The following RANBP2 variants were observed in gnomAD, a reference collection of about 807,000 sequenced individuals.
RANBP2 encodes the protein RAN binding protein 2.
Under a neutral mutation model 303.6 loss-of-function variants are expected in RANBP2, and 57 were observed. That is an observed-to-expected ratio of 0.19 (90% CI 0.15 to 0.23). The LOEUF (loss-of-function observed/expected upper bound fraction) is 0.23. Among genes scored for constraint, RANBP2 ranks in the 10% least tolerant of loss-of-function variants. The pLI is 1.00. For synonymous variants in RANBP2, 1,167 were observed against 1,301.5 expected, an observed-to-expected ratio of 0.90 and a Z score of 2.23; for missense variants, 3,138 against 3,780.8, an observed-to-expected ratio of 0.83 and a Z score of 4.46.
the RANBP2 span, among the ~76,000 whole-genome samples, chr2:109,024,573 T>G: frequency 6.6e-6 from 1 of 152,208 alleles, no homozygotes; most frequent in Non-Finnish European, 1.5e-5. Flanking sequence ...GCTTCACCTC[T>G]GAAGACTGAT....
intron 17 of RANBP2, among the ~76,000 whole-genome samples, chr2:108,756,870 C>T (rs1046091630): frequency 1.5e-4 from 23 of 152,258 alleles, no homozygotes; most frequent in African/African-American, 4.6e-4. Flanking sequence ...AGCTCTGGTG[C>T]GGATACCAAC....
At chr2:109,203,337 G>A in the RANBP2 span, among the ~76,000 whole-genome samples, 1 of 152,226 alleles carries the variant, frequency 6.6e-6, no homozygotes, top group African/African-American at 2.4e-5. Flanking sequence ...CAGATGCGGC[G>A]GAGCTTGCTA....
intron 7 of RANBP2, among the ~76,000 whole-genome samples, chr2:108,744,801 T>C (rs1233457615): frequency 6.6e-6 from 1 of 152,244 alleles, no homozygotes; most frequent in Non-Finnish European, 1.5e-5. Flanking sequence ...CTCCTTTCTG[T>C]TCCCTAGTTA....
chr2:109,177,553 G>C, the RANBP2 span, among the ~76,000 whole-genome samples: 51 of 152,162 alleles, frequency 3.4e-4, no homozygotes, highest in Middle Eastern at 3.4e-3. Context: ...CTGCTCTGGG[G>C]GGGGGCACCA....
At chr2:108,949,980 T>C in the RANBP2 span, among the ~76,000 whole-genome samples, 4 of 152,126 alleles carry the variant, frequency 2.6e-5, no homozygotes, top group African/African-American at 7.2e-5. Context: ...GGGGGAACTG[T>C]GGAGATTGGG....
the RANBP2 span, chr2:109,616,279 C>CGAGA: frequency 1.7e-6 from 1 of 598,786 alleles, no homozygotes. Flanking sequence ...TGTACCTCTT[C>CGAGA]TCTGCCCTCC....
At chr2:109,033,017 G>A in the RANBP2 span, among the ~76,000 whole-genome samples, 1 of 152,130 alleles carries the variant, frequency 6.6e-6, no homozygotes, top group African/African-American at 2.4e-5. Context: ...GAAGCTGAAC[G>A]TTGTGGACAT....
the RANBP2 span, among the ~76,000 whole-genome samples, chr2:108,821,182 A>AC: frequency 6.6e-6 from 1 of 151,972 alleles, no homozygotes; most frequent in Non-Finnish European, 1.5e-5. Context: ...ACATGGTGAA[A>AC]CCCCATCTCT....
chr2:109,409,312 C>T, the RANBP2 span, among the ~76,000 whole-genome samples: 11 of 152,310 alleles, frequency 7.2e-5, no homozygotes, highest in South Asian at 2.3e-3. Flanking sequence ...AAGGAAGCAG[C>T]CAGATAGTAA....
intron 2 of RANBP2, 149 bp downstream of exon 2, chr2:108,729,348 C>G: frequency 9.8e-7 from 1 of 1,020,410 alleles, no homozygotes; most frequent in East Asian, 2.7e-5. Flanking sequence ...ATGCTAAGGA[C>G]CAGCCTAGAT....
chr2:109,364,069 T>TTTCC, the RANBP2 span, among the ~76,000 whole-genome samples: 1 of 152,140 alleles, frequency 6.6e-6, no homozygotes, highest in Non-Finnish European at 1.5e-5. Context: ...TCTATCTTTC[T>TTTCC]TCTCCTTCTA....
At chr2:109,666,049 T>C in the RANBP2 span, among the ~76,000 whole-genome samples, 1 of 151,574 alleles carries the variant, frequency 6.6e-6, no homozygotes, top group Admixed American at 6.6e-5. Flanking sequence ...AAGCGGAGGT[T>C]GCAGTGAGCC....
chr2:109,488,804 A>G, the RANBP2 span, among the ~76,000 whole-genome samples: 1 of 152,202 alleles, frequency 6.6e-6, no homozygotes, highest in Non-Finnish European at 1.5e-5. Flanking sequence ...TATTGCTCAC[A>G]ACCTCCAGGG....
the RANBP2 span, among the ~76,000 whole-genome samples, chr2:109,278,081 G>A: frequency 6.6e-6 from 1 of 152,046 alleles, no homozygotes; most frequent in African/African-American, 2.4e-5. Context: ...GAAGGCTGAG[G>A]TGGGAGGATG....
the RANBP2 span, among the ~76,000 whole-genome samples, chr2:109,077,851 T>G: frequency 6.7e-6 from 1 of 149,272 alleles, no homozygotes; most frequent in Admixed American, 6.7e-5. Flanking sequence ...TCTTATACAC[T>G]GTTCATGGGA....
the RANBP2 span, among the ~76,000 whole-genome samples, chr2:109,676,886 T>G: frequency 6.6e-6 from 1 of 152,200 alleles, no homozygotes; most frequent in Non-Finnish European, 1.5e-5. Flanking sequence ...CATCTATGTC[T>G]AGATACGGCA....
At chr2:109,636,215 A>G in the RANBP2 span, among the ~76,000 whole-genome samples, 1 of 152,246 alleles carries the variant, frequency 6.6e-6, no homozygotes, top group African/African-American at 2.4e-5. Flanking sequence ...GTCTGTGACA[A>G]TTTGTTCTAG....
chr2:109,229,615 T>C, the RANBP2 span, among the ~76,000 whole-genome samples: 1 of 152,122 alleles, frequency 6.6e-6, no homozygotes, highest in Non-Finnish European at 1.5e-5. Context: ...GTTCACTATC[T>C]CTAGGAATTG....
chr2:109,613,408 C>T, the RANBP2 span: 1 of 323,238 alleles, frequency 3.1e-6, no homozygotes, highest in Non-Finnish European at 6.2e-6. Flanking sequence ...CAGGGAGGCT[C>T]GGAAGTGCTC....
Sources: allele counts gnomAD v4.1 joint callset (sites outside exome capture counted in the v4.1 genomes callset), GRCh38; gene constraint gnomAD v4.1.1; transcripts MANE v1.5; gene names NCBI Gene and HGNC (gene_info 2026-07-23, HGNC 2026-07-21).